Variants in KAT6A observed in about 807,000 individuals in gnomAD.
KAT6A encodes the protein lysine acetyltransferase 6A.
In KAT6A, 9 loss-of-function variants were observed where a neutral mutation model predicts 198.4. The ratio of observed to expected loss-of-function variants is 0.05; its 90% CI spans 0.03 to 0.08. The LOEUF is 0.08. KAT6A is among the 10% of genes least tolerant of loss of function. The pLI is 1.00. For missense variants in KAT6A, 2,077 were observed against 2,509.9 expected, an observed-to-expected ratio of 0.83 and a Z score of 3.69; for synonymous variants, 890 against 883.0, an observed-to-expected ratio of 1.01 and a Z score of -0.14.
rs374064489 is a variant in KAT6A, at chr8:41,978,628, C to A, written c.1043+14G>T. ...ATCCTTTTCTCCCCTCACCTTGCCA[C>A]AAGTACAACTTACACCGTGTTTTGT... On this transcript the variant is annotated intron_variant, in intron 6 of 16. Transcript: ENST00000265713. 10 of 1,613,078 alleles carry A rather than the reference C, an allele frequency of 6.2e-6. No homozygotes were observed. Among genetic ancestry groups the A allele is most frequent in the Non-Finnish European group, 8.5e-6 (10 of 1,179,492 alleles).
chr8:42,051,630 AGCGCGGGGCCGGGCGGCGGC>A (rs1802660001), intron 1 of KAT6A, among the ~76,000 whole-genome samples: 1 of 143,274 alleles, frequency 7.0e-6, no homozygotes, highest in Non-Finnish European at 1.5e-5. Flanking sequence ...GGGGCCCGCG[AGCGCGGGGCCGGGCGGCGGC>A]GCGCGGGCCG....
Position 41,947,931 on chromosome 8 carries a change from C to A in KAT6A, c.1741-19G>T, listed in dbSNP as rs1177917538. On this transcript the variant is annotated intron_variant, in intron 10 of 16. Transcript: ENST00000265713. Reference sequence around the variant, plus strand: ...CATCAACCTAGAGAAATAAACAGAACAAAACAGTCAGTAGAGGGTCTCTTT... The same window carrying A: ...CATCAACCTAGAGAAATAAACAGAAAAAAACAGTCAGTAGAGGGTCTCTTT... 6.4e-7 allele frequency: 1 copy of A among 1,569,620 alleles called. No homozygotes were observed. The highest frequency in any genetic ancestry group is 8.6e-7 in the Non-Finnish European group (1 of 1,162,490).
intron 2 of KAT6A, among the ~76,000 whole-genome samples, chr8:41,994,607 A>G (rs546524234): frequency 6.6e-6 from 1 of 151,986 alleles, no homozygotes; most frequent in East Asian, 1.9e-4. Flanking sequence ...AACCCCAATA[A>G]TTCACAAGTT....
At chr8:41,975,504 A>C (rs190652461) in intron 7 of KAT6A, among the ~76,000 whole-genome samples, 1 of 152,284 alleles carries the variant, frequency 6.6e-6, no homozygotes, top group Non-Finnish European at 1.5e-5. Context: ...GGCTGAAAAG[A>C]CCAATTGGTG....
chr8:41,935,644 C>G (rs1042180708), intron 16 of KAT6A, among the ~76,000 whole-genome samples: 8 of 152,154 alleles, frequency 5.3e-5, no homozygotes, highest in African/African-American at 1.9e-4. Context: ...ATTAAGTACA[C>G]TCACATTGCC....
At chr8:42,014,030 A>G (rs1199888343) in intron 2 of KAT6A, among the ~76,000 whole-genome samples, 2 of 152,130 alleles carry the variant, frequency 1.3e-5, no homozygotes, top group African/African-American at 4.8e-5. Context: ...CTCCAATACA[A>G]CTTTACTTAT....
rs1821576986 is a variant in KAT6A, at chr8:41,932,124, G to C, written c.*81C>G. On this transcript the variant is annotated 3_prime_UTR_variant, in exon 17 of 17. Transcript: ENST00000265713. ...ACAGCAATATTTTAACTGGAAAAAG[G>C]TCCATTTTTCTCTGGTTTGTCAGTA... The C allele has an allele frequency of 8.9e-6, 11 of 1,229,524 alleles. No individual in the cohort carries two copies. In the South Asian group the frequency reaches 3.4e-4, roughly 38 times the overall value. The allele number at this position is 1,229,524 out of a possible 1,614,324, so 76.2% of individuals were successfully genotyped here.
intron 4 of KAT6A, 132 bp from the exon 5 acceptor site, chr8:41,981,059 C>A: frequency 1.5e-6 from 1 of 665,988 alleles, no homozygotes; most frequent in Non-Finnish European, 2.7e-6. Context: ...ATGGCTCACG[C>A]CTGTAATCCC....
chr8:41,970,357 CAT>C (rs1213864532), intron 8 of KAT6A, among the ~76,000 whole-genome samples: 3 of 152,122 alleles, frequency 2.0e-5, no homozygotes, highest in African/African-American at 7.2e-5. Context: ...TGGAAAGAAA[CAT>C]AGGATTAGCC....
rs1342445920 is a variant in KAT6A, at chr8:41,933,781, T to C, written c.4439A>G (p.Asn1480Ser). 6.2e-7 allele frequency: 1 copy of C among 1,614,058 alleles called. No homozygotes were observed. Among genetic ancestry groups the C allele is most frequent in the Non-Finnish European group, 8.5e-7 (1 of 1,180,004 alleles). ...AGACTGAACGGAGGAGATAGGGCTA[T>C]TATGTTCTGACGCATGACAGTCTTC... ...MVEDCHASEH[N>S]SPISSVQSHP... The change falls in exon 17 of 17, where the codon AAT becomes AGT. Residue 1480 changes from asparagine (N) to serine (S), a missense_variant. By Grantham distance (46) the Asn-to-Ser change is conservative. Transcript: ENST00000265713. The surrounding 1 kb of genome is among the most constrained non-coding windows in gnomAD (Gnocchi z 6.2).
chr8:41,984,597 G>T (rs1209571596), intron 3 of KAT6A, among the ~76,000 whole-genome samples: 2 of 152,132 alleles, frequency 1.3e-5, no homozygotes, highest in African/African-American at 2.4e-5. Context: ...AAAATGTTTT[G>T]TTGCTTTAAG....
chr8:41,994,355 CCTG>C (rs1308943197), intron 2 of KAT6A, among the ~76,000 whole-genome samples: 1 of 152,160 alleles, frequency 6.6e-6, no homozygotes, highest in East Asian at 1.9e-4. Context: ...TCTGTACTCC[CCTG>C]CTTTCCCCCT....
intron 11 of KAT6A, among the ~76,000 whole-genome samples, chr8:41,947,134 T>G (rs1433590500): frequency 6.6e-6 from 1 of 152,226 alleles, no homozygotes; most frequent in Non-Finnish European, 1.5e-5. Context: ...CACAAAATAG[T>G]CACTTTTATA....
chr8:41,953,172 T>G (rs1822749024), intron 9 of KAT6A, among the ~76,000 whole-genome samples: 1 of 152,210 alleles, frequency 6.6e-6, no homozygotes, highest in Non-Finnish European at 1.5e-5. Context: ...ATCCTTTAAA[T>G]ATCTATCTTA....
At chr8:41,984,031 TC>T (rs1053272639) in intron 3 of KAT6A, among the ~76,000 whole-genome samples, 3 of 152,252 alleles carry the variant, frequency 2.0e-5, no homozygotes, top group Non-Finnish European at 2.9e-5. Flanking sequence ...GCAGTTATTT[TC>T]CCCCAAATTA....
intron 2 of KAT6A, among the ~76,000 whole-genome samples, chr8:42,039,769 T>C (rs1488026331): frequency 3.9e-5 from 6 of 152,098 alleles, no homozygotes; most frequent in Non-Finnish European, 8.8e-5. Flanking sequence ...AGTCTCACTC[T>C]GTCACCCAGG....
In KAT6A at chr8:41,977,059, G is replaced by A. The variant is rs2150886359; in HGVS notation, c.1312C>T (p.Arg438Ter). 6.2e-7 allele frequency: 1 copy of A among 1,612,856 alleles called. No homozygotes were observed. Among genetic ancestry groups the A allele is most frequent in the Admixed American group, 1.7e-5 (1 of 59,866 alleles). ...TTCCTGTTGCCCCTCTTTCTGATTC[G>A]ATATTGCTCAGAGTAGTCCACCACT... ...GEVVDYSEQY[R>*]IRKRGNRKSS... Residue 438 changes from arginine (R) to a stop codon, truncating the protein, a stop_gained, in exon 7 of 17, where the codon CGA (arginine) becomes TGA (stop). Transcript: ENST00000265713. LOFTEE classifies it high-confidence loss of function.
rs943905645 is a variant in KAT6A at position 41,972,636 on chromosome 8, A to C, written c.1482+2068T>G. Among the ~76,000 whole-genome samples the C allele has an allele frequency of 3.9e-5, 6 of 152,210 alleles. 1 individual carries two copies. Among genetic ancestry groups the C allele is most frequent in the East Asian group, 1.9e-4 (1 of 5,194 alleles). ...GCACTTCAAAACTGTCAAGGTCATG[A>C]AAGATAAAGACTGAGGAACTGTTCC... On this transcript the variant is annotated intron_variant, in intron 8 of 16. Coordinates refer to ENST00000265713, the MANE Select transcript of KAT6A (RefSeq NM_006766.5).
chr8:42,036,169 A>G (rs568413853), intron 2 of KAT6A, among the ~76,000 whole-genome samples: 2 of 152,146 alleles, frequency 1.3e-5, no homozygotes, highest in Admixed American at 1.3e-4. Context: ...TGAAAATGAG[A>G]AAAAAAGGTG....
Sources: gnomAD v4.1 joint callset for allele counts (sites outside exome capture counted in the v4.1 genomes callset) on GRCh38, gnomAD v4.1.1 for gene constraint, Gnocchi (gnomAD v3.1) non-coding constraint, MANE v1.5 for transcripts, NCBI Gene and HGNC (gene_info 2026-07-23, HGNC 2026-07-21) for gene names.